The following NOX4 variants were observed in gnomAD, a reference collection of about 807,000 sequenced individuals.
NOX4 encodes NADPH oxidase 4.
In NOX4, 69 loss-of-function variants were observed where a neutral mutation model predicts 87.6. That is an observed-to-expected ratio of 0.79 (90% CI 0.65 to 0.96). The LOEUF (loss-of-function observed/expected upper bound fraction) is 0.96, where lower values mean the gene tolerates loss of function less well. NOX4 is among the 40% of genes least tolerant of loss of function. NOX4 has a pLI of 0.00. For synonymous variants in NOX4, 275 were observed against 238.2 expected, an observed-to-expected ratio of 1.15 and a Z score of -1.42; for missense variants, 680 against 681.5, an observed-to-expected ratio of 1.00 and a Z score of 0.02.
chr11:89,502,495 G>A (rs577998061), upstream of NOX4, among the ~76,000 whole-genome samples: 6 of 152,092 alleles, frequency 3.9e-5, no homozygotes, highest in South Asian at 1.2e-3. Context: ...AGATAGTTGA[G>A]CAACTCAATA....
chr11:89,531,026 C>T, the NOX4 span, among the ~76,000 whole-genome samples: 5 of 152,188 alleles, frequency 3.3e-5, no homozygotes, highest in African/African-American at 1.2e-4. Context: ...CTCTGTGACG[C>T]TCCCTTGTTA....
chr11:89,369,228 G>A (rs972973580), intron 12 of NOX4, among the ~76,000 whole-genome samples: 1 of 152,142 alleles, frequency 6.6e-6, no homozygotes, highest in Non-Finnish European at 1.5e-5. Flanking sequence ...GAAGAAGTGA[G>A]AAGCCAAATT....
rs1027470649 is a variant in NOX4 at position 89,326,112 on chromosome 11, A to C, written c.*644T>G. On this transcript the variant is annotated 3_prime_UTR_variant, in exon 18 of 18. Coordinates refer to ENST00000263317, the MANE Select transcript of NOX4 (RefSeq NM_016931.5). ...TCCCTAGAGAGAGGAATAAAAAGAA[A>C]AAAATATATAAAAATAGATACTATA... is the stretch of plus-strand genomic sequence containing the variant. 8 of 151,758 alleles carry C rather than the reference A, an allele frequency of 5.3e-5. No homozygotes were observed. The highest frequency in any genetic ancestry group is 5.3e-4 in the Admixed American group (8 of 15,234). 9.4% of individuals were successfully genotyped at this position (151,758 alleles called of 1,614,324 possible).
chr11:89,393,045 T>G (rs1475783090), intron 11 of NOX4, among the ~76,000 whole-genome samples: 3 of 152,250 alleles, frequency 2.0e-5, no homozygotes, highest in Non-Finnish European at 4.4e-5. Context: ...CTGAAGACCT[T>G]TAGCACTGGA....
At chr11:89,579,102 CCAAA>C in the NOX4 span, among the ~76,000 whole-genome samples, 485 of 152,218 alleles carry the variant, frequency 3.2e-3, 3 homozygotes, top group African/African-American at 0.011. Context: ...CTGGGAAAGA[CCAAA>C]CAATGGAGAT....
intron 12 of NOX4, among the ~76,000 whole-genome samples, chr11:89,361,349 A>T (rs1938506273): frequency 1.3e-5 from 2 of 152,154 alleles, no homozygotes; most frequent in African/African-American, 2.4e-5. Flanking sequence ...TAACTCAGGA[A>T]TGGAAAACTA....
At chr11:89,563,946 C>A in the NOX4 span, among the ~76,000 whole-genome samples, 8 of 152,198 alleles carry the variant, frequency 5.3e-5, no homozygotes, top group African/African-American at 1.9e-4. Context: ...GCTTTTATTC[C>A]TTTACATATA....
chr11:89,439,671 A>T (rs543656466), intron 6 of NOX4, among the ~76,000 whole-genome samples: 1 of 152,290 alleles, frequency 6.6e-6, no homozygotes, highest in Non-Finnish European at 1.5e-5. Flanking sequence ...TGTGCTAAAA[A>T]TTCCCCAAAT....
chr11:89,455,225 A>G (rs1311497428), intron 2 of NOX4, among the ~76,000 whole-genome samples: 1 of 151,052 alleles, frequency 6.6e-6, no homozygotes, highest in Admixed American at 6.6e-5. Flanking sequence ...TATATGAATT[A>G]ATGTGTTTGT....
chr11:89,402,514 C>A lies in NOX4; in HGVS notation c.658G>T (p.Asp220Tyr), dbSNP rs369469699. The change falls in exon 9 of 18, where the codon GAT becomes TAT. Residue 220 changes from aspartate (D) to tyrosine (Y), a missense_variant. Physicochemically the swap from Asp to Tyr is radical, Grantham distance 160. Coordinates refer to ENST00000263317, the MANE Select transcript of NOX4 (RefSeq NM_016931.5). ...CTGATGCAGCCGGGAGGGTGGGTATCTAAATTAGTTTGATACTTCAGCAGC... is the reference window on the plus strand; with the variant it reads ...CTGATGCAGCCGGGAGGGTGGGTATATAAATTAGTTTGATACTTCAGCAGC... ...GGLLKYQTNLDTHPPGCISLN... is the reference protein window; with the variant it reads ...GGLLKYQTNLYTHPPGCISLN... 1.2e-6 allele frequency: 2 copies of A among 1,610,774 alleles called. No homozygotes were observed. Among genetic ancestry groups the A allele is most frequent in the Non-Finnish European group, 1.7e-6 (2 of 1,178,932 alleles).
intron 12 of NOX4, among the ~76,000 whole-genome samples, chr11:89,361,924 G>A (rs1009367046): frequency 4.6e-5 from 7 of 151,974 alleles, no homozygotes; most frequent in South Asian, 2.1e-4. Context: ...CATCAGGGTC[G>A]GCCTCAGATG....
At chr11:89,562,183 ATTC>A in the NOX4 span, among the ~76,000 whole-genome samples, 1 of 152,188 alleles carries the variant, frequency 6.6e-6, no homozygotes, top group Non-Finnish European at 1.5e-5. Flanking sequence ...AATTATAAAT[ATTC>A]TTCTTTATAA....
intron 11 of NOX4, among the ~76,000 whole-genome samples, chr11:89,382,614 T>A (rs571248362): frequency 1.3e-5 from 2 of 152,112 alleles, no homozygotes; most frequent in South Asian, 4.2e-4. Flanking sequence ...CCGACCCATC[T>A]GACTTCTCCC....
chr11:89,507,163 G>A, the NOX4 span, among the ~76,000 whole-genome samples: 1 of 151,778 alleles, frequency 6.6e-6, no homozygotes, highest in Non-Finnish European at 1.5e-5. Flanking sequence ...GGATAGCAAC[G>A]GATGTTATAG....
At chr11:89,523,114 T>C in the NOX4 span, among the ~76,000 whole-genome samples, 7 of 152,130 alleles carry the variant, frequency 4.6e-5, no homozygotes, top group South Asian at 1.5e-3. Context: ...AACCCCCACC[T>C]CCGGGTTCAA....
intron 7 of NOX4, among the ~76,000 whole-genome samples, chr11:89,429,777 AAGG>A (rs1943675675): frequency 6.6e-6 from 1 of 152,216 alleles, no homozygotes; most frequent in Non-Finnish European, 1.5e-5. Context: ...CCAGAGGTAC[AAGG>A]AGGAGCTCAT....
chr11:89,440,569 C>A, intron 6 of NOX4, 119 bp downstream of exon 6: 1 of 545,510 alleles, frequency 1.8e-6, no homozygotes, highest in Non-Finnish European at 3.1e-6. Context: ...AGGTGATCCG[C>A]CCGCCTCAGC....
chr11:89,502,573 A>T (rs1947033881), upstream of NOX4, among the ~76,000 whole-genome samples: 1 of 152,014 alleles, frequency 6.6e-6, no homozygotes, highest in African/African-American at 2.4e-5. Context: ...ATTGACTCTT[A>T]CATGAGGGAG....
At chr11:89,497,937 T>A (rs1397272628) in intron 1 of NOX4, 1 of 152,202 alleles carries the variant, frequency 6.6e-6, no homozygotes, top group Non-Finnish European at 1.5e-5. Flanking sequence ...CCCAAACATA[T>A]CCTGTTTTCT....
Sources: gnomAD v4.1 joint callset for allele counts (sites outside exome capture counted in the v4.1 genomes callset) on GRCh38, gnomAD v4.1.1 for gene constraint, MANE v1.5 for transcripts, NCBI Gene and HGNC (gene_info 2026-07-23, HGNC 2026-07-21) for gene names.